CD300LF: variants seen among roughly 807,000 people sequenced by gnomAD.
CD300LF encodes the protein CMRF35-like molecule 1.
CD300LF carries 27 observed loss-of-function variants against 32.2 expected under a neutral mutation model. That is an observed-to-expected ratio of 0.84 (90% CI 0.62 to 1.15). The LOEUF (loss-of-function observed/expected upper bound fraction) is 1.15, where lower values mean the gene tolerates loss of function less well. Ranked by LOEUF, CD300LF falls within the 50% of genes most tolerant of loss-of-function variation. The pLI, the probability that CD300LF is intolerant of heterozygous loss-of-function variation, is 0.00. For missense variants in CD300LF, 348 were observed against 356.8 expected (o/e 0.98, Z 0.20); for synonymous variants, 139 against 143.2 (o/e 0.97, Z 0.21).
At chr17:74,712,743 G>T (rs2034061604) in intron 1 of CD300LF, 81 bp downstream of exon 1, 1 of 1,447,904 alleles carries the variant, frequency 6.9e-7, no homozygotes, top group Non-Finnish European at 9.7e-7. Flanking sequence ...ACACCTTCTG[G>T]CCGGGTCCCT....
At chr17:74,699,831 C>A (rs942435255) in intron 3 of CD300LF, among the ~76,000 whole-genome samples, 1 of 152,054 alleles carries the variant, frequency 6.6e-6, no homozygotes, top group Non-Finnish European at 1.5e-5. Flanking sequence ...TCAAAGCACA[C>A]CCCTCTCTTT....
chr17:74,696,512 C>T (rs1428021929), intron 4 of CD300LF, among the ~76,000 whole-genome samples: 2 of 152,192 alleles, frequency 1.3e-5, no homozygotes, highest in Non-Finnish European at 2.9e-5. Context: ...CATCGGCTCC[C>T]CTGGGAGTAA....
chr17:74,703,232 G>T, intron 2 of CD300LF, 134 bp from the exon 3 acceptor site: 2 of 1,102,260 alleles, frequency 1.8e-6, no homozygotes, highest in Non-Finnish European at 2.7e-6. Context: ...CTGAGCCTGG[G>T]CGGGGGTCTG....
At chr17:74,711,906 CTTTTT>C (rs71361629) in intron 1 of CD300LF, among the ~76,000 whole-genome samples, 1 of 123,670 alleles carries the variant, frequency 8.1e-6, no homozygotes. Flanking sequence ...TTTCTTTTTT[CTTTTT>C]TTTTTTTTTT....
At chr17:74,695,571 C>T (rs1222348563) in intron 6 of CD300LF, among the ~76,000 whole-genome samples, 154 bp downstream of exon 6, 1 of 152,166 alleles carries the variant, frequency 6.6e-6, no homozygotes, top group Non-Finnish European at 1.5e-5. Context: ...CCTGTGGGAG[C>T]TCCTAGGCGA....
At chr17:74,700,239 A>T (rs1417834577) in intron 3 of CD300LF, among the ~76,000 whole-genome samples, 1 of 152,164 alleles carries the variant, frequency 6.6e-6, no homozygotes, top group Admixed American at 6.6e-5. Context: ...ATTTCAGCCC[A>T]TGAAAATGGC....
intron 1 of CD300LF, among the ~76,000 whole-genome samples, chr17:74,710,467 G>A (rs1323150283): frequency 6.6e-6 from 1 of 152,090 alleles, no homozygotes; most frequent in African/African-American, 2.4e-5. Context: ...ATAAATAGTT[G>A]GAAAGTAAAG....
chr17:74,704,743 C>G lies in CD300LF; in HGVS notation c.117G>C (p.Gln39His). 6.2e-7 allele frequency: 1 copy of G among 1,614,206 alleles called. No individual in the cohort carries two copies. The highest frequency in any genetic ancestry group is 8.5e-7 in the Non-Finnish European group (1 of 1,180,052). ...TCTCCCAGCCTGATCTGTAAACACA[C>G]TGCACGGTCAAGGAGCCCCGCTCCA... ...NGLERGSLTV[Q>H]CVYRSGWETY... Residue 39 changes from glutamine (Q) to histidine (H), a missense_variant, in exon 2 of 7, where the codon CAG becomes CAC. Transcript: ENST00000326165.
chr17:74,695,369 A>G (rs2032340643), intron 6 of CD300LF, 118 bp from the exon 7 acceptor site: 2 of 1,241,282 alleles, frequency 1.6e-6, no homozygotes, highest in East Asian at 2.4e-5. Context: ...AATCCCACTC[A>G]AGCCCTCCAG....
chr17:74,698,644 TTACAATGAG>T (rs1426900587), intron 3 of CD300LF, 163 bp from the exon 4 acceptor site: 7 of 1,465,308 alleles, frequency 4.8e-6, no homozygotes, highest in Non-Finnish European at 6.3e-6. Flanking sequence ...AAAGATGGGT[TTACAATGAG>T]TACACATAGA....
At chr17:74,704,179 A>G (rs1345350512) in intron 2 of CD300LF, among the ~76,000 whole-genome samples, 2 of 152,162 alleles carry the variant, frequency 1.3e-5, no homozygotes, top group Non-Finnish European at 2.9e-5. Context: ...ATGGGAAGGC[A>G]TCCCTTTGGC....
At chr17:74,711,506 A>G (rs1358214086) in intron 1 of CD300LF, among the ~76,000 whole-genome samples, 1 of 152,198 alleles carries the variant, frequency 6.6e-6, no homozygotes, top group Admixed American at 6.5e-5. Context: ...GTACCAGCCT[A>G]GCAGTCCTGG....
At position 74,695,021 on chromosome 17, in the gene CD300LF, G is replaced by C; in HGVS notation, c.*75C>G. On this transcript the variant is annotated 3_prime_UTR_variant, in exon 7 of 7. Coordinates refer to ENST00000326165, the MANE Select transcript of CD300LF (RefSeq NM_139018.5). ...GTCCCCGGGTTGGTCCTGATGAGGGGAGCAGGGGGCAGACGGTCGATGAGG... is the reference window on the plus strand; with the variant it reads ...GTCCCCGGGTTGGTCCTGATGAGGGCAGCAGGGGGCAGACGGTCGATGAGG... The C allele has an allele frequency of 1.3e-6, 2 of 1,498,620 alleles. No homozygotes were observed. Among genetic ancestry groups the C allele is most frequent in the Non-Finnish European group, 1.8e-6 (2 of 1,105,196 alleles). 92.8% of individuals were successfully genotyped at this position (1,498,620 alleles called of 1,614,324 possible).
intron 3 of CD300LF, among the ~76,000 whole-genome samples, chr17:74,699,939 A>G (rs1190854367): frequency 6.6e-6 from 1 of 151,922 alleles, no homozygotes; most frequent in African/African-American, 2.4e-5. Flanking sequence ...TCAGGAGTTC[A>G]AGACCAGCCT....
intron 3 of CD300LF, among the ~76,000 whole-genome samples, chr17:74,701,847 CAA>C (rs11321122): frequency 0.016 from 1,360 of 86,644 alleles, 17 homozygotes; most frequent in African/African-American, 0.041. Context: ...GAGAATCCGT[CAA>C]AAAAAAAAAA....
At chr17:74,702,723 G>A (rs1345246578) in intron 3 of CD300LF, among the ~76,000 whole-genome samples, 2 of 152,104 alleles carry the variant, frequency 1.3e-5, no homozygotes, top group Non-Finnish European at 2.9e-5. Context: ...AGCTCCACGG[G>A]GACAGTCCAT....
intron 5 of CD300LF, 125 bp from the exon 6 acceptor site, chr17:74,695,984 T>TG: frequency 1.5e-6 from 2 of 1,297,312 alleles, no homozygotes; most frequent in Non-Finnish European, 2.1e-6. Context: ...TTTCCCTCCG[T>TG]GTCCTCCACT....
chr17:74,695,849 G>A lies in CD300LF; in HGVS notation c.593C>T (p.Pro198Leu). ...AGMSPEQVLQ[P>L]LEGDLCYADL... Reference sequence around the variant, plus strand: ...TGCATAGCAGAGGTCGCCCTCCAGGGGCTGCAGTACCTGGGACAGGGAACA... The same window carrying A: ...TGCATAGCAGAGGTCGCCCTCCAGGAGCTGCAGTACCTGGGACAGGGAACA... Residue 198 changes from proline (P) to leucine (L), a missense_variant, in exon 6 of 7, where the codon CCC (proline) becomes CTC (leucine). Physicochemically the swap from Pro to Leu is moderately conservative, Grantham distance 98. Transcript: ENST00000326165. 6.2e-7 allele frequency: 1 copy of A among 1,613,784 alleles called. No homozygotes were observed. The highest frequency in any genetic ancestry group is 8.5e-7 in the Non-Finnish European group (1 of 1,179,842).
At chr17:74,706,282 A>ATATATAT (rs1555586594) in intron 1 of CD300LF, among the ~76,000 whole-genome samples, 8 of 145,160 alleles carry the variant, frequency 5.5e-5, no homozygotes, top group African/African-American at 2.0e-4. Flanking sequence ...GGAAAAAAAA[A>ATATATAT]ATATATATAT....
Sources: allele counts gnomAD v4.1 joint callset (sites outside exome capture counted in the v4.1 genomes callset), GRCh38; gene constraint gnomAD v4.1.1; transcripts MANE v1.5; gene names NCBI Gene and HGNC (gene_info 2026-07-23, HGNC 2026-07-21).